CERS1: variants seen among roughly 807,000 people sequenced by gnomAD.
CERS1 encodes the protein ceramide synthase 1, also known as Embryonic growth/differentiation factor 1.
A neutral mutation model predicts 35.7 loss-of-function variants in CERS1; 16 were observed. That is an observed-to-expected ratio of 0.45 (90% confidence interval 0.30 to 0.68). CERS1 has a LOEUF of 0.68. Among genes scored for constraint, CERS1 ranks in the 30% least tolerant of loss-of-function variants. The pLI is 0.08. For synonymous variants in CERS1, 243 were observed against 201.6 expected (o/e 1.21, Z -1.74); for missense variants, 454 against 453.9 (o/e 1.00, Z 0.00).
intron 6 of CERS1, among the ~76,000 whole-genome samples, chr19:18,877,528 G>T (rs1451001752): frequency 6.6e-6 from 1 of 152,146 alleles, no homozygotes; most frequent in Non-Finnish European, 1.5e-5. Flanking sequence ...AAGGCATGTG[G>T]ACCACTTGAG....
intron 2 of CERS1, among the ~76,000 whole-genome samples, chr19:18,891,871 G>A (rs377037126): frequency 6.1e-5 from 9 of 147,576 alleles, no homozygotes; most frequent in African/African-American, 2.0e-4. Flanking sequence ...GAGCCACCAC[G>A]CCCAGCCCAC....
chr19:18,868,803 C>A lies in CERS1; in HGVS notation c.*1182G>T. 6.9e-7 allele frequency: 1 copy of A among 1,455,590 alleles called. No homozygotes were observed. The highest frequency in any genetic ancestry group is 9.1e-7 in the Non-Finnish European group (1 of 1,093,604). 90.2% of individuals were successfully genotyped at this position (1,455,590 alleles called of 1,614,324 possible). A position where few individuals can be genotyped will look rare whatever the true frequency, so the allele number is the denominator to read the frequency against. ...GGCGGCCCCCCGGACCCCGACAGCG[C>A]GACGGGCAGCGCGCACTGACCCTGG... On this transcript the variant is annotated 3_prime_UTR_variant, in exon 8 of 8. Transcript: ENST00000623882.
At chr19:18,880,576 G>T in intron 3 of CERS1, 141 bp from the exon 4 acceptor site, 1 of 754,718 alleles carries the variant, frequency 1.3e-6, no homozygotes, top group Non-Finnish European at 2.0e-6. Context: ...TGCCTCGCCT[G>T]CCCTGCCCAT....
chr19:18,883,477 G>A (rs898548676), intron 3 of CERS1: 12 of 152,158 alleles, frequency 7.9e-5, no homozygotes, highest in African/African-American at 2.9e-4. Flanking sequence ...AGGCTGCAGT[G>A]AGCAATGGTC....
Position 18,868,662 on chromosome 19 carries a change from T to C in CERS1, c.*1323A>G. On this transcript the variant is annotated 3_prime_UTR_variant, in exon 8 of 8. Coordinates refer to ENST00000623882, the MANE Select transcript of CERS1 (RefSeq NM_021267.5). The stretch of plus-strand genomic sequence containing the variant: ...TGCCGCAGCACCACGTTGTCGCTGT[T>C]GTCAAAGAAGAGCACGGAGATGGGC... The C allele has an allele frequency of 1.3e-6, 2 of 1,575,212 alleles. No homozygotes were observed. The highest frequency in any genetic ancestry group is 1.7e-6 in the Non-Finnish European group (2 of 1,160,420).
At chr19:18,888,895 T>C (rs910962236) in intron 2 of CERS1, among the ~76,000 whole-genome samples, 5 of 148,074 alleles carry the variant, frequency 3.4e-5, no homozygotes, top group African/African-American at 1.0e-4. Context: ...CTTTCTTTTT[T>C]TTTTTTTTTT....
intron 6 of CERS1, among the ~76,000 whole-genome samples, chr19:18,876,536 T>TTGTGTGTGTGTGTGTGTGTGTG (rs60266196): frequency 1.3e-4 from 19 of 143,274 alleles, no homozygotes; most frequent in African/African-American, 4.9e-4. Flanking sequence ...TTTGATTGGG[T>TTGTGTGTGTGTGTGTGTGTGTG]TGTGTGTGTG....
intron 6 of CERS1, among the ~76,000 whole-genome samples, chr19:18,871,427 A>G (rs1163732045): frequency 6.6e-6 from 1 of 151,712 alleles, no homozygotes; most frequent in Non-Finnish European, 1.5e-5. Flanking sequence ...TCACCATATC[A>G]CCCAAGCTGG....
intron 2 of CERS1, among the ~76,000 whole-genome samples, chr19:18,884,798 C>A (rs993611759): frequency 6.7e-6 from 1 of 149,220 alleles, no homozygotes; most frequent in African/African-American, 2.5e-5. Flanking sequence ...ACTGCAACCT[C>A]CACCTCCCAG....
rs1029277481 is a variant in CERS1 at position 18,878,067 on chromosome 19, A to G, written c.1010+863T>C. ...CTGCATCTCGCACCTCCCGTTCCAAAAAACGTCACGGAGCTCTGAGCCACT... is the reference window on the plus strand; with the variant it reads ...CTGCATCTCGCACCTCCCGTTCCAAGAAACGTCACGGAGCTCTGAGCCACT... On this transcript the variant is annotated intron_variant, in intron 6 of 7. Coordinates refer to ENST00000623882, the MANE Select transcript of CERS1 (RefSeq NM_021267.5). This position sits in a 1 kb window ranked among gnomAD's most constrained non-coding sequence, Gnocchi z 4.6. 2 of 985,464 alleles carry G rather than the reference A, an allele frequency of 2.0e-6. No individual in the cohort carries two copies. The highest frequency in any genetic ancestry group is 1.2e-6 in the Non-Finnish European group (1 of 829,974). 61.0% of individuals were successfully genotyped at this position (985,464 alleles called of 1,614,324 possible).
Position 18,895,742 on chromosome 19 carries a change from G to T in CERS1, c.249+82C>A. 1 of 756,278 alleles carries T rather than the reference G, an allele frequency of 1.3e-6. No homozygotes were observed. The allele number at this position is 756,278 out of a possible 1,614,324, so 46.8% of individuals were successfully genotyped here. ...CGCAGCAGCCAGCGCTGGAAGAAAG[G>T]AACGCGCCGGCGGCCCCAGGTCCCC... is the stretch of plus-strand genomic sequence containing the variant. On this transcript the variant is annotated intron_variant, in intron 1 of 7. Transcript: ENST00000623882. The surrounding 1 kb of genome is among the most constrained non-coding windows in gnomAD (Gnocchi z 6.4).
Position 18,895,845 on chromosome 19 carries a change from C to T in CERS1, c.228G>A (p.Ala76=). 1 of 1,293,892 alleles carries T rather than the reference C, an allele frequency of 7.7e-7. No individual in the cohort carries two copies. The highest frequency in any genetic ancestry group is 9.8e-7 in the Non-Finnish European group (1 of 1,020,246). The allele number at this position is 1,293,892 out of a possible 1,614,324, so 80.2% of individuals were successfully genotyped here. A position where few individuals can be genotyped will look rare whatever the true frequency, so the allele number is the denominator to read the frequency against. Residue 76 remains alanine (A), a synonymous_variant, in exon 1 of 8, where the codon GCG becomes GCA. Coordinates refer to ENST00000623882, the MANE Select transcript of CERS1 (RefSeq NM_021267.5). This position sits in a 1 kb window ranked among gnomAD's most constrained non-coding sequence, Gnocchi z 6.4. ...TGACCCGAAAGAGGCGCGCAGTGGC[C>T]GCGGAGCGCAGGGCGGTCCAGCCCA... ...GALGWTALRS[A]ATARLFRPLA...
At chr19:18,880,216 A>T in intron 4 of CERS1, 58 bp downstream of exon 4, 1 of 1,456,372 alleles carries the variant, frequency 6.9e-7, no homozygotes, top group Non-Finnish European at 9.1e-7. Flanking sequence ...CCTTTTCTGG[A>T]CACACCCACC....
chr19:18,892,410 T>C (rs2238661), intron 2 of CERS1, among the ~76,000 whole-genome samples: 27,180 of 151,450 alleles, frequency 0.18, 3,168 homozygotes, highest in African/African-American at 0.33. Context: ...ATCAGGAGAT[T>C]GAGACCATCC....
intron 6 of CERS1, among the ~76,000 whole-genome samples, chr19:18,874,297 TCA>T (rs1431526023): frequency 6.6e-6 from 1 of 152,112 alleles, no homozygotes; most frequent in South Asian, 2.1e-4. Context: ...GTGCTGAAGT[TCA>T]CAGTTTTCTA....
At chr19:18,888,892 T>TTC (rs200964454) in intron 2 of CERS1, among the ~76,000 whole-genome samples, 3 of 145,694 alleles carry the variant, frequency 2.1e-5, no homozygotes, top group African/African-American at 5.1e-5. Flanking sequence ...TTTCTTTCTT[T>TTC]TTTTTTTTTT....
rs1482686380 is a variant in CERS1 at position 18,883,983 on chromosome 19, G to A, written c.590+104C>T. ...CTTGGAACCCTGAGCACTCCGACCT[G>A]ATGTGATCCCCTCCACGGCCTCCTC... On this transcript the variant is annotated intron_variant, in intron 3 of 7. Transcript: ENST00000623882. The A allele has an allele frequency of 7.1e-6, 9 of 1,274,474 alleles. No individual in the cohort carries two copies. The African/African-American group carries it at 1.3e-4, about 19-fold the overall frequency. 78.9% of individuals were successfully genotyped at this position (1,274,474 alleles called of 1,614,324 possible).
Position 18,878,646 on chromosome 19 carries a change from A to G in CERS1, c.1010+284T>C, listed in dbSNP as rs4808164. On this transcript the variant is annotated intron_variant, in intron 6 of 7. Coordinates refer to ENST00000623882, the MANE Select transcript of CERS1 (RefSeq NM_021267.5). This position sits in a 1 kb window ranked among gnomAD's most constrained non-coding sequence, Gnocchi z 4.6. Reference sequence around the variant, plus strand: ...GGCCCTGGCTCGCCACTCCCGCCACACCAGCCACTAGGCCTGGCCCTCAGT... The same window carrying G: ...GGCCCTGGCTCGCCACTCCCGCCACGCCAGCCACTAGGCCTGGCCCTCAGT... 1,083,212 of 1,226,142 alleles carry G rather than the reference A, an allele frequency of 0.88. 479,112 individuals carry two copies. The highest frequency in any genetic ancestry group is 0.91 in the Admixed American group (23,877 of 26,348). 76.0% of individuals were successfully genotyped at this position (1,226,142 alleles called of 1,614,324 possible). A position where few individuals can be genotyped will look rare whatever the true frequency, so the allele number is the denominator to read the frequency against.
Position 18,869,589 on chromosome 19 carries a change from G to A in CERS1, c.*595-199C>T, listed in dbSNP as rs921943644. On this transcript the variant is annotated intron_variant, in intron 7 of 7. Coordinates refer to ENST00000623882, the MANE Select transcript of CERS1 (RefSeq NM_021267.5). The stretch of plus-strand genomic sequence containing the variant: ...GAAGGCGCCCTGCGGGGTGCGGCGG[G>A]GGGGGTGGGCTGCCCTCGGCGGGGG... 1.3e-5 allele frequency among the ~76,000 whole-genome samples: 2 copies of A among 151,148 alleles called. 1 individual carries two copies. Among genetic ancestry groups the A allele is most frequent in the East Asian group, 3.9e-4 (2 of 5,088 alleles).
Sources: gnomAD v4.1 joint callset for allele counts (sites outside exome capture counted in the v4.1 genomes callset) on GRCh38, gnomAD v4.1.1 for gene constraint, Gnocchi (gnomAD v3.1) non-coding constraint, MANE v1.5 for transcripts, NCBI Gene and HGNC (gene_info 2026-07-23, HGNC 2026-07-21) for gene names.